The following NEURL1 variants were observed in gnomAD, a reference collection of about 807,000 sequenced individuals.
NEURL1 encodes neuralized E3 ubiquitin protein ligase 1, also known as E3 ubiquitin-protein ligase NEURL1.
Under a neutral mutation model 41.2 loss-of-function variants are expected in NEURL1, and 26 were observed. That is an observed-to-expected ratio of 0.63 (90% CI 0.46 to 0.87). NEURL1 has a LOEUF of 0.87. Ranked by LOEUF, NEURL1 falls within the 40% of genes least tolerant of loss-of-function variation. The pLI is 0.00. For synonymous variants in NEURL1, 400 were observed against 402.3 expected, an observed-to-expected ratio of 0.99 and a Z score of 0.07; for missense variants, 761 against 871.1, an observed-to-expected ratio of 0.87 and a Z score of 1.59.
chr10:103,585,275 A>G (rs1471883972), intron 4 of NEURL1, 50 bp downstream of exon 4: 1 of 1,415,702 alleles, frequency 7.1e-7, no homozygotes, highest in Non-Finnish European at 9.3e-7. Context: ...GGAGGCGGGG[A>G]CGATCCGGGT....
Position 103,545,468 on chromosome 10 carries a change from C to T in NEURL1, c.86-25404C>T, listed in dbSNP as rs2034906354. On this transcript the variant is annotated intron_variant, in intron 1 of 5. Transcript: ENST00000369780. The surrounding 1 kb of genome is among the most constrained non-coding windows in gnomAD (Gnocchi z 4.5). ...AGGGGACAGAGTTCCTTCCTGGACT[C>T]AGTGGGGATGAGAGCCACTGGCCTT... 6.6e-6 allele frequency among the ~76,000 whole-genome samples: 1 copy of T among 152,148 alleles called. No homozygotes were observed. The highest frequency in any genetic ancestry group is 2.4e-5 in the African/African-American group (1 of 41,440).
intron 1 of NEURL1, among the ~76,000 whole-genome samples, chr10:103,570,561 G>A (rs2035517102): frequency 6.6e-6 from 1 of 151,108 alleles, no homozygotes; most frequent in South Asian, 2.1e-4. Flanking sequence ...ACCATGGTAG[G>A]TGGTGAGAGG....
chr10:103,576,090 G>T (rs950703902), intron 3 of NEURL1, among the ~76,000 whole-genome samples: 1 of 152,188 alleles, frequency 6.6e-6, no homozygotes, highest in Non-Finnish European at 1.5e-5. Flanking sequence ...CCCCTCTCCT[G>T]GAATAATGTT....
intron 1 of NEURL1, among the ~76,000 whole-genome samples, chr10:103,517,809 A>G (rs2034251167): frequency 1.3e-5 from 2 of 152,216 alleles, no homozygotes; most frequent in South Asian, 2.1e-4. Context: ...ATGGGCTCTG[A>G]GCCTTGCCCA....
At chr10:103,580,143 C>T (rs2035756069) in intron 3 of NEURL1, among the ~76,000 whole-genome samples, 2 of 151,934 alleles carry the variant, frequency 1.3e-5, no homozygotes, top group Admixed American at 6.6e-5. Flanking sequence ...ACCTCCCTGC[C>T]CTGGCAGGGT....
At position 103,494,363 on chromosome 10, in the gene NEURL1, G is replaced by T; in HGVS notation, c.-25G>T. 5.1e-6 allele frequency: 8 copies of T among 1,560,388 alleles called. No individual in the cohort carries two copies. Among genetic ancestry groups the T allele is most frequent in the African/African-American group, 1.4e-5 (1 of 73,152 alleles). On this transcript the variant is annotated 5_prime_UTR_variant, in exon 1 of 6. Coordinates refer to ENST00000369780, the MANE Select transcript of NEURL1 (RefSeq NM_004210.5). ...CCCGGCCTCGCCCCCACCCGCGAGC[G>T]CCGAACCTCCTGGGGCCGGATGCCA... is the stretch of plus-strand genomic sequence containing the variant.
chr10:103,506,804 C>T (rs932523224), intron 1 of NEURL1, among the ~76,000 whole-genome samples: 35 of 152,200 alleles, frequency 2.3e-4, no homozygotes, highest in African/African-American at 7.0e-4. Flanking sequence ...AAGTGATCTG[C>T]CTGCCTCGGC....
chr10:103,544,316 G>A (rs1260790318), intron 1 of NEURL1, among the ~76,000 whole-genome samples: 1 of 152,196 alleles, frequency 6.6e-6, no homozygotes, highest in Non-Finnish European at 1.5e-5. Flanking sequence ...CCAGGAGGAG[G>A]ACTGAGAAGC....
At chr10:103,541,497 G>T (rs553261860) in intron 1 of NEURL1, among the ~76,000 whole-genome samples, 88 of 152,338 alleles carry the variant, frequency 5.8e-4, no homozygotes, top group Non-Finnish European at 1.0e-3. Flanking sequence ...TCCCTGGCCA[G>T]TGGAGCCCCA....
At chr10:103,512,333 T>C (rs2034091602) in intron 1 of NEURL1, among the ~76,000 whole-genome samples, 2 of 152,210 alleles carry the variant, frequency 1.3e-5, no homozygotes, top group African/African-American at 4.8e-5. Context: ...TGGAGCCACC[T>C]ATGTGTAGCC....
At chr10:103,526,040 T>C (rs1053685147) in intron 1 of NEURL1, among the ~76,000 whole-genome samples, 10 of 152,204 alleles carry the variant, frequency 6.6e-5, no homozygotes, top group African/African-American at 2.4e-4. Context: ...TGATGTGATA[T>C]ATTGTGTTTA....
intron 1 of NEURL1, among the ~76,000 whole-genome samples, chr10:103,502,418 C>T (rs912952796): frequency 1.3e-5 from 2 of 152,126 alleles, no homozygotes; most frequent in Non-Finnish European, 1.5e-5. Context: ...TCAGGTGGCT[C>T]CTTCTTGCTG....
intron 2 of NEURL1, 21 bp downstream of exon 2, chr10:103,571,134 C>A: frequency 6.2e-7 from 1 of 1,607,452 alleles, no homozygotes; most frequent in Non-Finnish European, 8.5e-7. Flanking sequence ...CCCCTGCCCC[C>A]GCCCCCGCCT....
At position 103,494,320 on chromosome 10, in the gene NEURL1, A is replaced by T; in HGVS notation, c.-68A>T. On this transcript the variant is annotated 5_prime_UTR_variant, in exon 1 of 6. Coordinates refer to ENST00000369780, the MANE Select transcript of NEURL1 (RefSeq NM_004210.5). ...CGCACCCGCGCGCGCACACTCGCAC[A>T]CCGCACCTCAGCGCCTGCCCGGCCT... 1.5e-6 allele frequency: 2 copies of T among 1,377,460 alleles called. No homozygotes were observed. Among genetic ancestry groups the T allele is most frequent in the Admixed American group, 2.1e-5 (1 of 48,156 alleles). 85.3% of individuals were successfully genotyped at this position (1,377,460 alleles called of 1,614,324 possible). A position where few individuals can be genotyped will look rare whatever the true frequency, so the allele number is the denominator to read the frequency against.
At chr10:103,504,718 C>T (rs2033908723) in intron 1 of NEURL1, among the ~76,000 whole-genome samples, 1 of 152,214 alleles carries the variant, frequency 6.6e-6, no homozygotes, top group South Asian at 2.1e-4. Flanking sequence ...TACGTTCCAC[C>T]TCCTGGAGGC....
At chr10:103,533,891 G>A (rs2034636300) in intron 1 of NEURL1, among the ~76,000 whole-genome samples, 1 of 150,574 alleles carries the variant, frequency 6.6e-6, no homozygotes, top group African/African-American at 2.5e-5. Flanking sequence ...GGCTGGTCTT[G>A]AACTTCTGAC....
chr10:103,522,002 G>A (rs958167894), intron 1 of NEURL1, among the ~76,000 whole-genome samples: 7 of 152,128 alleles, frequency 4.6e-5, no homozygotes, highest in African/African-American at 1.7e-4. Context: ...ACAGTCAAAG[G>A]GGGTTTTTCT....
At chr10:103,584,481 G>C in intron 3 of NEURL1, 55 bp from the exon 4 acceptor site, 1 of 1,206,370 alleles carries the variant, frequency 8.3e-7, no homozygotes, top group Non-Finnish European at 1.1e-6. Context: ...AGCGGGGCGC[G>C]CCGGGGCCGC....
In NEURL1 at chr10:103,585,164, C is replaced by T. The variant is rs1390321602; in HGVS notation, c.1278C>T (p.Ala426=). The change falls in exon 4 of 6, where the codon GCC becomes GCT. Residue 426 remains alanine, a synonymous_variant. Coordinates refer to ENST00000369780, the MANE Select transcript of NEURL1 (RefSeq NM_004210.5). The part of the protein sequence containing the change: ...AAAGMQLCVD[A]SQPLWMLFGL... The stretch of plus-strand genomic sequence containing the variant: ...CCGGCATGCAGCTGTGCGTGGACGC[C>T]TCGCAGCCGCTTTGGATGCTCTTCG... 1 of 1,589,098 alleles carries T rather than the reference C, an allele frequency of 6.3e-7. No homozygotes were observed. The highest frequency in any genetic ancestry group is 2.3e-5 in the East Asian group (1 of 44,366).
Sources: allele counts gnomAD v4.1 joint callset (sites outside exome capture counted in the v4.1 genomes callset), GRCh38; gene constraint gnomAD v4.1.1; non-coding constraint Gnocchi (gnomAD v3.1); transcripts MANE v1.5; gene names NCBI Gene and HGNC (gene_info 2026-07-23, HGNC 2026-07-21).